TANC1: variants seen among roughly 807,000 people sequenced by gnomAD.
TANC1 encodes the protein tetratricopeptide repeat, ankyrin repeat and coiled-coil containing 1.
Under a neutral mutation model 149.7 loss-of-function variants are expected in TANC1, and 77 were observed. The observed-to-expected ratio is 0.51, with a 90% CI of 0.43 to 0.62. TANC1 has a LOEUF of 0.62. Among genes scored for constraint, TANC1 ranks in the 20% least tolerant of loss-of-function variants. The probability of loss-of-function intolerance (pLI) is 0.00; values close to 1 mark genes in which losing one functional copy is unlikely to be tolerated. For missense variants in TANC1, 1,985 were observed against 2,321.8 expected (o/e 0.85, Z 2.98); for synonymous variants, 854 against 925.0 (o/e 0.92, Z 1.39).
At chr2:159,070,323 T>C (rs751030123) in intron 3 of TANC1, among the ~76,000 whole-genome samples, 29 of 151,934 alleles carry the variant, frequency 1.9e-4, no homozygotes, top group Non-Finnish European at 4.1e-4. Context: ...GGTTCAGAGA[T>C]TTTCCCCCAC....
chr2:159,125,481 T>A (rs1457968183), intron 4 of TANC1, among the ~76,000 whole-genome samples: 2 of 152,174 alleles, frequency 1.3e-5, no homozygotes, highest in Non-Finnish European at 2.9e-5. Context: ...GGTGTTCTGT[T>A]AAGGCTCAGG....
chr2:159,156,072 A>G (rs1474878639), intron 7 of TANC1, among the ~76,000 whole-genome samples: 1 of 152,074 alleles, frequency 6.6e-6, no homozygotes, highest in Non-Finnish European at 1.5e-5. Context: ...ATTGTACTTT[A>G]TTTTCCTTTT....
At position 159,231,995 on chromosome 2, in the gene TANC1, C is replaced by T. The variant is rs2060348921; in HGVS notation, c.*983C>T. ...GTTTTATTCAGACTTGTAAATAGAA[C>T]TATTTCAATGTAGTTAATCTAAAAA... On this transcript the variant is annotated 3_prime_UTR_variant, in exon 27 of 27. Transcript: ENST00000263635. 1 of 152,514 alleles carries T rather than the reference C, an allele frequency of 6.6e-6. No homozygotes were observed. The highest frequency in any genetic ancestry group is 2.4e-5 in the African/African-American group (1 of 41,428). The allele number at this position is 152,514 out of a possible 1,614,324, so 9.4% of individuals were successfully genotyped here.
intron 4 of TANC1, among the ~76,000 whole-genome samples, chr2:159,114,196 G>A (rs1389496325): frequency 4.6e-5 from 7 of 152,138 alleles, no homozygotes. Context: ...AAAGATTATG[G>A]GGACTGAAGG....
intron 2 of TANC1, among the ~76,000 whole-genome samples, chr2:159,020,470 G>A (rs1227849537): frequency 6.6e-6 from 1 of 152,036 alleles, no homozygotes; most frequent in African/African-American, 2.4e-5. Context: ...TTCAGAAAAA[G>A]TCCCACCAAA....
At chr2:159,210,165 G>A (rs182800408) in intron 19 of TANC1, among the ~76,000 whole-genome samples, 72 of 152,252 alleles carry the variant, frequency 4.7e-4, no homozygotes, top group Non-Finnish European at 8.4e-4. Context: ...TCATACATCC[G>A]TGGGTAATGC....
intron 4 of TANC1, among the ~76,000 whole-genome samples, chr2:159,132,552 G>T (rs1012944271): frequency 6.6e-6 from 1 of 151,882 alleles, no homozygotes; most frequent in African/African-American, 2.4e-5. Context: ...GCAGTGGTGT[G>T]ATCTCAGCTC....
intron 4 of TANC1, among the ~76,000 whole-genome samples, chr2:159,111,129 C>T (rs1303626766): frequency 6.6e-6 from 1 of 152,184 alleles, no homozygotes; most frequent in Non-Finnish European, 1.5e-5. Flanking sequence ...TGGTTCTTGG[C>T]AGAAAAGAGA....
chr2:158,993,442 G>C (rs566458732), intron 1 of TANC1, among the ~76,000 whole-genome samples: 1 of 152,136 alleles, frequency 6.6e-6, no homozygotes, highest in Admixed American at 6.5e-5. Flanking sequence ...TGTAGAGACA[G>C]GGTTTCACCA....
At chr2:159,121,298 C>G (rs1265264043) in intron 4 of TANC1, among the ~76,000 whole-genome samples, 1 of 152,220 alleles carries the variant, frequency 6.6e-6, no homozygotes, top group Admixed American at 6.5e-5. Flanking sequence ...TATTTATGCA[C>G]TTAATTGCAC....
At chr2:159,070,049 T>TG (rs1295159119) in intron 3 of TANC1, among the ~76,000 whole-genome samples, 1 of 152,086 alleles carries the variant, frequency 6.6e-6, no homozygotes, top group African/African-American at 2.4e-5. Context: ...CCCAAAGTGC[T>TG]GGGATTACAA....
intron 9 of TANC1, 152 bp from the exon 10 acceptor site, chr2:159,170,372 A>C: frequency 1.5e-6 from 1 of 677,592 alleles, no homozygotes. Context: ...GTATTACAGA[A>C]GTATTAATAG....
chr2:159,134,198 T>C (rs1250245949), intron 4 of TANC1, among the ~76,000 whole-genome samples: 4 of 152,216 alleles, frequency 2.6e-5, no homozygotes, highest in African/African-American at 4.8e-5. Flanking sequence ...CTCTTACTGA[T>C]GTAAAATGTT....
intron 7 of TANC1, among the ~76,000 whole-genome samples, chr2:159,162,166 C>T (rs1361749474): frequency 1.3e-5 from 2 of 152,222 alleles, no homozygotes; most frequent in Non-Finnish European, 2.9e-5. Context: ...CCTTCAGACC[C>T]TTTGATCCTA....
chr2:159,004,415 C>T, intron 2 of TANC1: 1 of 905,782 alleles, frequency 1.1e-6, no homozygotes, highest in Non-Finnish European at 1.8e-6. Flanking sequence ...TCACCTGTTA[C>T]TAGTTCAGTA....
intron 2 of TANC1, among the ~76,000 whole-genome samples, chr2:159,061,845 C>T (rs2042256626): frequency 1.3e-5 from 2 of 152,104 alleles, no homozygotes; most frequent in South Asian, 4.2e-4. Flanking sequence ...TTCAACAGTA[C>T]CTTTGTTCTA....
At chr2:159,094,483 C>G (rs1185568172) in intron 3 of TANC1, among the ~76,000 whole-genome samples, 14 of 152,168 alleles carry the variant, frequency 9.2e-5, no homozygotes, top group Admixed American at 9.2e-4. Context: ...GAGAAAACAA[C>G]CATCCCTCAG....
At chr2:158,978,367 C>G (rs2033931163) in intron 1 of TANC1, among the ~76,000 whole-genome samples, 1 of 152,166 alleles carries the variant, frequency 6.6e-6, no homozygotes, top group Admixed American at 6.5e-5. Context: ...GGATTCAGAC[C>G]TGGAAAATTT....
intron 5 of TANC1, among the ~76,000 whole-genome samples, chr2:159,141,544 G>A (rs1274496948): frequency 2.0e-5 from 3 of 152,208 alleles, no homozygotes; most frequent in African/African-American, 7.2e-5. Context: ...CACTGGAGGA[G>A]CAGGGACTGT....
Sources: allele counts gnomAD v4.1 joint callset (sites outside exome capture counted in the v4.1 genomes callset), GRCh38; gene constraint gnomAD v4.1.1; transcripts MANE v1.5; gene names NCBI Gene and HGNC (gene_info 2026-07-23, HGNC 2026-07-21).